The following MGMT variants were observed in gnomAD, a reference collection of about 807,000 sequenced individuals.
The protein encoded by MGMT is methylated-DNA--protein-cysteine methyltransferase.
MGMT carries 14 observed loss-of-function variants against 15.9 expected under a neutral mutation model. The observed-to-expected ratio is 0.88, with a 90% CI of 0.58 to 1.37. MGMT has a LOEUF of 1.37. MGMT is among the 40% of genes most tolerant of loss of function. The pLI is 0.00. For synonymous variants in MGMT, 130 were observed against 118.2 expected (o/e 1.10, Z -0.65); for missense variants, 282 against 268.1 (o/e 1.05, Z -0.36).
intron 2 of MGMT, among the ~76,000 whole-genome samples, chr10:129,602,281 T>C (rs564940620): frequency 6.6e-6 from 1 of 152,148 alleles, no homozygotes; most frequent in East Asian, 1.9e-4. Context: ...ACTTTACTAG[T>C]CAGGCATGTT....
In MGMT at chr10:129,674,734, G is replaced by C. The variant is rs1433840144; in HGVS notation, c.126-33161G>C. Among the ~76,000 whole-genome samples, 3 of 152,324 alleles carry C rather than the reference G, an allele frequency of 2.0e-5. No individual in the cohort carries two copies. The East Asian group carries it at 5.8e-4, about 29-fold the overall frequency. ...AGTAGCTGGGATGCCCCCAGCTTTC[G>C]CCTCCCCTGGGCTCTATCCTGCATG... On this transcript the variant is annotated intron_variant, in intron 2 of 4. Transcript: ENST00000651593.
intron 1 of MGMT, among the ~76,000 whole-genome samples, chr10:129,518,474 C>G (rs1422415495): frequency 7.1e-6 from 1 of 140,406 alleles, no homozygotes; most frequent in African/African-American, 2.7e-5. Context: ...CTGCCCCTGC[C>G]CCTCCTCCCC....
intron 2 of MGMT, among the ~76,000 whole-genome samples, chr10:129,673,832 A>T (rs1240840942): frequency 6.6e-6 from 1 of 152,220 alleles, no homozygotes; most frequent in Non-Finnish European, 1.5e-5. Context: ...TTTTGTTAAT[A>T]TCTCAGTTGA....
At chr10:129,658,418 G>A (rs867615940) in intron 2 of MGMT, among the ~76,000 whole-genome samples, 6 of 152,326 alleles carry the variant, frequency 3.9e-5, no homozygotes, top group African/African-American at 1.2e-4. Context: ...CTCAGAGCAC[G>A]CCTGGTATGC....
chr10:129,524,615 A>T (rs1230278934), intron 1 of MGMT, among the ~76,000 whole-genome samples: 5 of 123,458 alleles, frequency 4.0e-5, no homozygotes, highest in Non-Finnish European at 8.1e-5. Context: ...TTTTTGAGAC[A>T]GAGTCTCGCT....
At position 129,533,349 on chromosome 10, in the gene MGMT, C is replaced by T. The variant is rs1845952604; in HGVS notation, c.-12-2892C>T. 6.6e-6 allele frequency among the ~76,000 whole-genome samples: 1 copy of T among 152,180 alleles called. No homozygotes were observed. Among genetic ancestry groups the T allele is most frequent in the African/African-American group, 2.4e-5 (1 of 41,438 alleles). On this transcript the variant is annotated intron_variant, in intron 1 of 4. Coordinates refer to ENST00000651593, the MANE Select transcript of MGMT (RefSeq NM_002412.5). This position sits in a 1 kb window ranked among gnomAD's most constrained non-coding sequence, Gnocchi z 4.5. Reference sequence around the variant, plus strand: ...CTGCTGTTAAGAGTGCTACCTGATGCAGGTGCTCGGGGCTGGCCAGGATCC... The same window carrying T: ...CTGCTGTTAAGAGTGCTACCTGATGTAGGTGCTCGGGGCTGGCCAGGATCC...
At chr10:129,705,460 A>G (rs1270481468) in intron 2 of MGMT, among the ~76,000 whole-genome samples, 3 of 152,230 alleles carry the variant, frequency 2.0e-5, no homozygotes, top group East Asian at 3.8e-4. Context: ...CGTGTAAGCT[A>G]TAGTTATCTT....
chr10:129,743,522 A>G lies in MGMT; in HGVS notation c.275-15680A>G, dbSNP rs985830216. 2.3e-4 allele frequency among the ~76,000 whole-genome samples: 35 copies of G among 151,824 alleles called. 1 individual carries two copies. Among genetic ancestry groups the G allele is most frequent in the African/African-American group, 8.0e-4 (33 of 41,316 alleles). ...TGACAGAGGTGTCTGTGTTTCACCA[A>G]CTCAGTCTGTCCCTGCCCATTGTCC... is the stretch of plus-strand genomic sequence containing the variant. On this transcript the variant is annotated intron_variant, in intron 3 of 4. Transcript: ENST00000651593.
chr10:129,741,362 T>C (rs1032293588), intron 3 of MGMT, among the ~76,000 whole-genome samples: 15 of 152,346 alleles, frequency 9.8e-5, no homozygotes, highest in Admixed American at 3.9e-4. Flanking sequence ...GGGAGGCTGC[T>C]GTTGGCCTTG....
intron 1 of MGMT, among the ~76,000 whole-genome samples, chr10:129,474,862 C>T (rs1383562583): frequency 6.6e-6 from 1 of 152,158 alleles, no homozygotes; most frequent in Non-Finnish European, 1.5e-5. Flanking sequence ...GCTGGGCTTC[C>T]TCCGGGCCCT....
At chr10:129,708,699 A>G (rs1168383857) in intron 3 of MGMT, among the ~76,000 whole-genome samples, 1 of 152,198 alleles carries the variant, frequency 6.6e-6, no homozygotes, top group Non-Finnish European at 1.5e-5. Flanking sequence ...CACATGCCAG[A>G]AATTTATTTT....
chr10:129,725,109 T>A (rs2133157716), intron 3 of MGMT, among the ~76,000 whole-genome samples: 1 of 142,830 alleles, frequency 7.0e-6, no homozygotes, highest in African/African-American at 2.4e-5. Flanking sequence ...ACTGTTGCCT[T>A]ACTCTTCTTC....
At chr10:129,525,349 G>A (rs1427450694) in intron 1 of MGMT, among the ~76,000 whole-genome samples, 2 of 152,128 alleles carry the variant, frequency 1.3e-5, no homozygotes, top group African/African-American at 4.8e-5. Flanking sequence ...ATCTCAAAAT[G>A]GGTGATTTAA....
rs528359039 is a variant in MGMT, at chr10:129,537,337, C to T, written c.125+960C>T. ...AAATATCAGCACTCGCCTCCGCTGT[C>T]GAGATTTTTCCTGTAGAGCTGCACG... On this transcript the variant is annotated intron_variant, in intron 2 of 4. Transcript: ENST00000651593. Among the ~76,000 whole-genome samples the T allele has an allele frequency of 2.6e-5, 4 of 152,296 alleles. 1 individual carries two copies. Among genetic ancestry groups the T allele is most frequent in the East Asian group, 1.9e-4 (1 of 5,176 alleles).
chr10:129,587,590 A>G (rs1342583895), intron 2 of MGMT, among the ~76,000 whole-genome samples: 1 of 151,090 alleles, frequency 6.6e-6, no homozygotes, highest in East Asian at 1.9e-4. Context: ...CCTGGGTTCA[A>G]GTGATTCCCT....
intron 3 of MGMT, among the ~76,000 whole-genome samples, chr10:129,714,489 G>T (rs1482602782): frequency 1.3e-5 from 2 of 152,038 alleles, no homozygotes. Flanking sequence ...CATTCAATGG[G>T]GTTGGGGGAT....
intron 2 of MGMT, among the ~76,000 whole-genome samples, chr10:129,692,434 T>C (rs548193651): frequency 2.3e-4 from 35 of 152,318 alleles, no homozygotes; most frequent in African/African-American, 8.4e-4. Context: ...GTCATAGCTA[T>C]TCAGCTCCGT....
chr10:129,693,055 A>G (rs1303690497), intron 2 of MGMT, among the ~76,000 whole-genome samples: 4 of 152,228 alleles, frequency 2.6e-5, no homozygotes, highest in African/African-American at 4.8e-5. Flanking sequence ...GTATTAACAC[A>G]TGGTAGAAAA....
In MGMT at chr10:129,484,746, T is replaced by G. The variant is rs752688202; in HGVS notation, c.-13+17450T>G. 6.6e-5 allele frequency among the ~76,000 whole-genome samples: 10 copies of G among 152,302 alleles called. No homozygotes were observed. The South Asian group carries it at 2.1e-3, about 32-fold the overall frequency. On this transcript the variant is annotated intron_variant, in intron 1 of 4. Coordinates refer to ENST00000651593, the MANE Select transcript of MGMT (RefSeq NM_002412.5). ...AAAACAGTTTTGGACTTTGTTCTGC[T>G]GCAGGTTCAGTTTCTTGAAATTGTT...
Sources: gnomAD v4.1 joint callset for allele counts (sites outside exome capture counted in the v4.1 genomes callset) on GRCh38, gnomAD v4.1.1 for gene constraint, Gnocchi (gnomAD v3.1) non-coding constraint, MANE v1.5 for transcripts, NCBI Gene and HGNC (gene_info 2026-07-23, HGNC 2026-07-21) for gene names.